Variants in ABCA13 observed in about 807,000 individuals in gnomAD.
The protein encoded by ABCA13 is ATP binding cassette subfamily A member 13, also known as ATP-binding cassette sub-family A member 13.
In ABCA13, 476 loss-of-function variants were observed where a neutral mutation model predicts 478.7. The ratio of observed to expected loss-of-function variants is 0.99; its 90% CI spans 0.92 to 1.07. The LOEUF is 1.07. Among genes scored for constraint, ABCA13 ranks in the 50% least tolerant of loss-of-function variants. The pLI is 0.00. For missense variants in ABCA13, 6,060 were observed against 5,910.6 expected, an observed-to-expected ratio of 1.03 and a Z score of -0.83; for synonymous variants, 2,252 against 2,158.9, an observed-to-expected ratio of 1.04 and a Z score of -1.20.
chr7:48,305,976 G>C (rs1800843847), intron 23 of ABCA13, among the ~76,000 whole-genome samples: 1 of 152,174 alleles, frequency 6.6e-6, no homozygotes, highest in Non-Finnish European at 1.5e-5. Flanking sequence ...GTTTTACTTT[G>C]AATAGAAATC....
At chr7:48,360,519 C>T (rs1380119814) in intron 31 of ABCA13, among the ~76,000 whole-genome samples, 2 of 151,874 alleles carry the variant, frequency 1.3e-5, no homozygotes, top group African/African-American at 4.9e-5. Flanking sequence ...CTGAGACATC[C>T]CTGACCTTTG....
At chr7:48,249,481 G>C (rs936084903) in intron 15 of ABCA13, 130 bp downstream of exon 15, 3 of 1,212,694 alleles carry the variant, frequency 2.5e-6, no homozygotes, top group Admixed American at 2.4e-5. Flanking sequence ...AGCACAATTT[G>C]GCATTGTGAT....
chr7:48,292,668 C>T (rs180809316), intron 20 of ABCA13, among the ~76,000 whole-genome samples: 15 of 152,314 alleles, frequency 9.8e-5, no homozygotes, highest in East Asian at 3.9e-4. Flanking sequence ...TTGCTGCTCC[C>T]GCACCTGCAG....
At chr7:48,540,865 A>T (rs900527298) in intron 55 of ABCA13, among the ~76,000 whole-genome samples, 1 of 151,932 alleles carries the variant, frequency 6.6e-6, no homozygotes, top group Admixed American at 6.6e-5. Context: ...ATGCATTTTT[A>T]TTATTATTAT....
chr7:48,222,584 G>C (rs1021917627), intron 5 of ABCA13, among the ~76,000 whole-genome samples: 9 of 152,136 alleles, frequency 5.9e-5, no homozygotes, highest in African/African-American at 2.2e-4. Context: ...TCACTTAATA[G>C]TGAGTATGGT....
chr7:48,223,540 C>A (rs554489156), intron 5 of ABCA13, among the ~76,000 whole-genome samples: 2 of 152,102 alleles, frequency 1.3e-5, no homozygotes, highest in African/African-American at 4.8e-5. Flanking sequence ...GCTGATTGAT[C>A]ATGTAAGAAG....
At chr7:48,196,506 C>T (rs1444464150) in intron 2 of ABCA13, among the ~76,000 whole-genome samples, 1 of 152,146 alleles carries the variant, frequency 6.6e-6, no homozygotes, top group Non-Finnish European at 1.5e-5. Flanking sequence ...CAAATTTCCC[C>T]TGGCTCCCAG....
chr7:48,462,635 A>G (rs1043838304), intron 43 of ABCA13, among the ~76,000 whole-genome samples: 2 of 151,902 alleles, frequency 1.3e-5, no homozygotes, highest in African/African-American at 2.4e-5. Context: ...CAGCCTCCCG[A>G]GTAGCTAGGA....
chr7:48,257,607 C>T (rs927027691), intron 15 of ABCA13, among the ~76,000 whole-genome samples: 1 of 151,980 alleles, frequency 6.6e-6, no homozygotes, highest in Non-Finnish European at 1.5e-5. Context: ...ATCACATTTA[C>T]TGATTTGTAT....
At chr7:48,327,506 C>T (rs1804522086) in intron 27 of ABCA13, among the ~76,000 whole-genome samples, 1 of 152,140 alleles carries the variant, frequency 6.6e-6, no homozygotes, top group Non-Finnish European at 1.5e-5. Flanking sequence ...CAGACGCTTT[C>T]CCAAGTCCTC....
chr7:48,259,647 T>C (rs889958668), intron 15 of ABCA13, among the ~76,000 whole-genome samples: 2 of 152,154 alleles, frequency 1.3e-5, no homozygotes, highest in African/African-American at 4.8e-5. Flanking sequence ...TCTGATATCA[T>C]GTTGTTAGTT....
intron 3 of ABCA13, among the ~76,000 whole-genome samples, chr7:48,205,482 T>C (rs1029439466): frequency 1.3e-5 from 2 of 152,252 alleles, no homozygotes; most frequent in Non-Finnish European, 2.9e-5. Context: ...TTCCTTGAAC[T>C]ATACCCTGCT....
rs752283023 is a variant in ABCA13 at position 48,276,384 on chromosome 7, C to T, written c.6718C>T (p.Leu2240Phe). ...TDLQIMNFIN[L>F]ILNHMQSETS... is the part of the protein sequence containing the mutation. The stretch of plus-strand genomic sequence containing the variant: ...CCTTCAAATAATGAATTTCATTAAC[C>T]TTATCTTGAACCATATGCAGTCAGA... The change falls in exon 17 of 62, where the codon CTT becomes TTT. Residue 2240 changes from leucine to phenylalanine, a missense_variant. Around this residue, in one of 3 missense-constraint regions of ABCA13, gnomAD observed 4,423 missense variants for 4,309.1 expected, o/e 1.03. Coordinates refer to ENST00000435803, the MANE Select transcript of ABCA13 (RefSeq NM_152701.5). 6.4e-7 allele frequency: 1 copy of T among 1,554,526 alleles called. No individual in the cohort carries two copies. Among genetic ancestry groups the T allele is most frequent in the Non-Finnish European group, 8.7e-7 (1 of 1,151,722 alleles).
chr7:48,456,359 C>T (rs1426590723), intron 43 of ABCA13, among the ~76,000 whole-genome samples: 1 of 152,190 alleles, frequency 6.6e-6, no homozygotes, highest in Non-Finnish European at 1.5e-5. Context: ...CTATGGTAAA[C>T]TCTTCAGTTT....
In ABCA13 at chr7:48,367,879, G is replaced by T. The variant is rs568929494; in HGVS notation, c.10774G>T (p.Val3592Leu). The T allele has an allele frequency of 4.4e-6, 7 of 1,579,456 alleles. No individual in the cohort carries two copies. The highest frequency in any genetic ancestry group is 4.6e-5 in the East Asian group (2 of 43,576). ...TGTGGCCAGCATGGTCAGAAAGTTG[G>T]TGTATGAGCAGGAGATACAGATAGA... ...VSVASMVRKL[V>L]YEQEIQIEEY... The change falls in exon 32 of 62, where the codon GTG becomes TTG. Residue 3592 changes from valine (V) to leucine (L), a missense_variant. Coordinates refer to ENST00000435803, the MANE Select transcript of ABCA13 (RefSeq NM_152701.5).
At chr7:48,534,247 G>A (rs186478226) in intron 55 of ABCA13, among the ~76,000 whole-genome samples, 6 of 152,208 alleles carry the variant, frequency 3.9e-5, no homozygotes, top group Admixed American at 3.3e-4. Flanking sequence ...AGATTTGCTG[G>A]ATACAAAATT....
At chr7:48,306,092 A>C (rs1340221389) in intron 23 of ABCA13, among the ~76,000 whole-genome samples, 2 of 152,240 alleles carry the variant, frequency 1.3e-5, no homozygotes, top group Non-Finnish European at 2.9e-5. Context: ...AACGCAATAC[A>C]ATCTTTAAAA....
At chr7:48,202,627 C>T (rs575486089) in intron 3 of ABCA13, among the ~76,000 whole-genome samples, 5,425 of 151,636 alleles carry the variant, frequency 0.036, 135 homozygotes, top group Middle Eastern at 0.071. Flanking sequence ...TGTTTACAAT[C>T]CCTGAGCTAG....
At position 48,240,885 on chromosome 7, in the gene ABCA13, C is replaced by G; in HGVS notation, c.1081C>G (p.Gln361Glu). Residue 361 changes from glutamine (Q) to glutamate (E), a missense_variant, in exon 10 of 62, where the codon CAG becomes GAG. By Grantham distance (29) the Gln-to-Glu change is conservative. Transcript: ENST00000435803. ...VYQQVFVQWQ[Q>E]GSLLQKTLTG... ...TTTGTAGGTGTTTGTTCAGTGGCAACAGGGTAGCCTGCTTCAGAAGACACT... is the reference window on the plus strand; with the variant it reads ...TTTGTAGGTGTTTGTTCAGTGGCAAGAGGGTAGCCTGCTTCAGAAGACACT... 1.9e-6 allele frequency: 3 copies of G among 1,547,850 alleles called. No individual in the cohort carries two copies. Among genetic ancestry groups the G allele is most frequent in the Non-Finnish European group, 2.6e-6 (3 of 1,145,066 alleles).
Sources: allele counts gnomAD v4.1 joint callset (sites outside exome capture counted in the v4.1 genomes callset), GRCh38; gene constraint gnomAD v4.1.1; regional missense constraint gnomAD v4.1.1; transcripts MANE v1.5; gene names NCBI Gene and HGNC (gene_info 2026-07-23, HGNC 2026-07-21).